The following PAX1 variants were observed in gnomAD, a reference collection of about 807,000 sequenced individuals.
The protein encoded by PAX1 is paired box 1.
A neutral mutation model predicts 35.6 loss-of-function variants in PAX1; 18 were observed. That is an observed-to-expected ratio of 0.50 (90% CI 0.35 to 0.75). The LOEUF is 0.75. Among genes scored for constraint, PAX1 ranks in the 30% least tolerant of loss-of-function variants. PAX1 has a pLI of 0.01. For synonymous variants in PAX1, 397 were observed against 305.2 expected, an observed-to-expected ratio of 1.30 and a Z score of -3.14; for missense variants, 760 against 661.5, an observed-to-expected ratio of 1.15 and a Z score of -1.63.
In PAX1 at chr20:21,708,469, T is replaced by C. The variant is rs1030400452; in HGVS notation, c.917-89T>C. ...ACAAATTTTGTGGGACCCCTGGCCG[T>C]GTCTTCAGATACAAATTGGGTGGTT... On this transcript the variant is annotated intron_variant, in intron 2 of 4. Coordinates refer to ENST00000613128, the MANE Select transcript of PAX1 (RefSeq NM_001257096.2). 3 of 1,497,198 alleles carry C rather than the reference T, an allele frequency of 2.0e-6. No homozygotes were observed. The African/African-American group carries it at 4.1e-5, about 21-fold the overall frequency. 92.7% of individuals were successfully genotyped at this position (1,497,198 alleles called of 1,614,324 possible).
rs1225605988 is a variant in PAX1, at chr20:21,714,583, G to A, written c.*21G>A. The A allele has an allele frequency of 2.5e-6, 4 of 1,578,066 alleles. No homozygotes were observed. In the Admixed American group the frequency reaches 5.5e-5, roughly 22 times the overall value. The stretch of plus-strand genomic sequence containing the variant: ...CCTAGGGGCAGCTCTCCCCGGACCC[G>A]AGCCCGGAGGGAACGGCAGGCGGAC... On this transcript the variant is annotated 3_prime_UTR_variant, in exon 5 of 5. Coordinates refer to ENST00000613128, the MANE Select transcript of PAX1 (RefSeq NM_001257096.2).
chr20:21,715,969 G>A lies in PAX1; in HGVS notation c.*1407G>A. The A allele has an allele frequency of 6.6e-6, 1 of 152,274 alleles. No homozygotes were observed. The highest frequency in any genetic ancestry group is 1.9e-4 in the East Asian group (1 of 5,194). 9.4% of individuals were successfully genotyped at this position (152,274 alleles called of 1,614,324 possible). On this transcript the variant is annotated 3_prime_UTR_variant, in exon 5 of 5. Transcript: ENST00000613128. ...GGTGGCTGCCTCTGAATAAAGGAAA[G>A]CGTCTGAAAGGTGTGTGGTGAGGTG...
Position 21,708,333 on chromosome 20 carries a change from G to T in PAX1, c.917-225G>T, listed in dbSNP as rs373509468. 9.9e-5 allele frequency: 65 copies of T among 654,040 alleles called. No individual in the cohort carries two copies. The East Asian group carries it at 1.2e-3, about 13-fold the overall frequency. The allele number at this position is 654,040 out of a possible 1,614,324, so 40.5% of individuals were successfully genotyped here. On this transcript the variant is annotated intron_variant, in intron 2 of 4. Coordinates refer to ENST00000613128, the MANE Select transcript of PAX1 (RefSeq NM_001257096.2). Reference sequence around the variant, plus strand: ...AGCAGCCTCCCGTTCGTGGGAAACCGGTTGAAGGCTAGGAGGACCGGGCAG... The same window carrying T: ...AGCAGCCTCCCGTTCGTGGGAAACCTGTTGAAGGCTAGGAGGACCGGGCAG...
rs1985416631 is a variant in PAX1 at position 21,717,682 on chromosome 20, T to A, written c.*3120T>A. ...AACGCAGTTTGTCTTTGCCTTTCAT[T>A]TTTTTAATTTAAGAATAAGTTTTTT... On this transcript the variant is annotated 3_prime_UTR_variant, in exon 5 of 5. Transcript: ENST00000613128. 1.3e-5 allele frequency: 2 copies of A among 152,260 alleles called. No homozygotes were observed. The highest frequency in any genetic ancestry group is 4.8e-5 in the African/African-American group (2 of 41,566). The allele number at this position is 152,260 out of a possible 1,614,324, so 9.4% of individuals were successfully genotyped here.
chr20:21,708,201 A>T, intron 2 of PAX1: 1 of 424,088 alleles, frequency 2.4e-6, no homozygotes, highest in Non-Finnish European at 4.4e-6. Context: ...AGAAATCAAT[A>T]CAATTTTCAT....
Position 21,718,354 on chromosome 20 carries a change from A to AG in PAX1, c.*3796dup, listed in dbSNP as rs1985441602. Reference sequence around the variant, plus strand: ...TCACTGAAGGGCATTTGAAGGTGTGAGGGGAAGGCTTCCTCTCCTTTGGAG... The same window carrying AG: ...TCACTGAAGGGCATTTGAAGGTGTGAGGGGGAAGGCTTCCTCTCCTTTGGAG... On this transcript the variant is annotated 3_prime_UTR_variant, in exon 5 of 5. Transcript: ENST00000613128. 6.6e-6 allele frequency: 1 copy of AG among 152,162 alleles called. No individual in the cohort carries two copies. The highest frequency in any genetic ancestry group is 1.9e-4 in the East Asian group (1 of 5,190). 9.4% of individuals were successfully genotyped at this position (152,162 alleles called of 1,614,324 possible).
chr20:21,708,562 C>A lies in PAX1; in HGVS notation c.921C>A (p.Ala307=). Residue 307 remains alanine (A), a synonymous_variant, in exon 3 of 5, where the codon GCC becomes GCA. Coordinates refer to ENST00000613128, the MANE Select transcript of PAX1 (RefSeq NM_001257096.2). ...TCCGTCCTCTCTCTCCTGCAGGGGC[C>A]CTGGCTGGGAGCGAAGGCACCGCTT... ...GIRTFMEQTG[A]LAGSEGTAYS... 6.2e-7 allele frequency: 1 copy of A among 1,613,652 alleles called. No homozygotes were observed. The highest frequency in any genetic ancestry group is 8.5e-7 in the Non-Finnish European group (1 of 1,180,036).
Position 21,717,497 on chromosome 20 carries a change from T to G in PAX1, c.*2935T>G, listed in dbSNP as rs1257046383. The G allele has an allele frequency of 1.3e-5, 2 of 152,186 alleles. No individual in the cohort carries two copies. Among genetic ancestry groups the G allele is most frequent in the Non-Finnish European group, 2.9e-5 (2 of 68,052 alleles). The allele number at this position is 152,186 out of a possible 1,614,324, so 9.4% of individuals were successfully genotyped here. A position where few individuals can be genotyped will look rare whatever the true frequency, so the allele number is the denominator to read the frequency against. ...AAAGTTAGAGGAATCACTTGTAAGG[T>G]TGGTGGGAGACCCAGAATTTAAATA... On this transcript the variant is annotated 3_prime_UTR_variant, in exon 5 of 5. Coordinates refer to ENST00000613128, the MANE Select transcript of PAX1 (RefSeq NM_001257096.2).
Position 21,714,813 on chromosome 20 carries a change from C to T in PAX1, c.*251C>T, listed in dbSNP as rs1985315816. ...TGAACTTGGGTTTTAGACTGCCGTACCCTCCTCACAATCCTTGCTCTGACG... is the reference window on the plus strand; with the variant it reads ...TGAACTTGGGTTTTAGACTGCCGTATCCTCCTCACAATCCTTGCTCTGACG... On this transcript the variant is annotated 3_prime_UTR_variant, in exon 5 of 5. Transcript: ENST00000613128. 6.3e-7 allele frequency: 1 copy of T among 1,596,090 alleles called. No individual in the cohort carries two copies. Among genetic ancestry groups the T allele is most frequent in the Non-Finnish European group, 8.5e-7 (1 of 1,176,432 alleles).
Position 21,706,470 on chromosome 20 carries a change from G to T in PAX1, c.319G>T (p.Gly107Cys). The change falls in exon 2 of 5, where the codon GGT becomes TGT. Residue 107 changes from glycine (G) to cysteine (C), a missense_variant. Gly to Cys is a radical substitution (Grantham distance 159, BLOSUM62 -3). Coordinates refer to ENST00000613128, the MANE Select transcript of PAX1 (RefSeq NM_001257096.2). This position sits in a 1 kb window ranked among gnomAD's most constrained non-coding sequence, Gnocchi z 5.3. Reference protein sequence around the residue: ...QTYGEVNQLGGVFVNGRPLPN... With the variant: ...QTYGEVNQLGCVFVNGRPLPN... ...GTATGGCGAGGTGAACCAGCTGGGC[G>T]GTGTGTTCGTCAACGGCCGCCCCCT... 6.2e-7 allele frequency: 1 copy of T among 1,611,096 alleles called. No individual in the cohort carries two copies. Among genetic ancestry groups the T allele is most frequent in the Non-Finnish European group, 8.5e-7 (1 of 1,178,788 alleles).
In PAX1 at chr20:21,714,999, C is replaced by T. The variant is rs912867900; in HGVS notation, c.*437C>T. ...TCCCTACCTTCCACCCCGGCTTTCC[C>T]CGACCTTCCAGGGCTCCCTCTGCCC... is the stretch of plus-strand genomic sequence containing the variant. On this transcript the variant is annotated 3_prime_UTR_variant, in exon 5 of 5. Transcript: ENST00000613128. The T allele has an allele frequency of 1.1e-5, 7 of 654,372 alleles. No individual in the cohort carries two copies. The highest frequency in any genetic ancestry group is 9.0e-5 in the Admixed American group (4 of 44,594). The allele number at this position is 654,372 out of a possible 1,614,324, so 40.5% of individuals were successfully genotyped here.
At position 21,706,409 on chromosome 20, in the gene PAX1, C is replaced by T. The variant is rs779805924; in HGVS notation, c.287-29C>T. 26 of 1,609,692 alleles carry T rather than the reference C, an allele frequency of 1.6e-5. No homozygotes were observed. The South Asian group carries it at 2.2e-4, about 14-fold the overall frequency. On this transcript the variant is annotated intron_variant, in intron 1 of 4. Transcript: ENST00000613128. The surrounding 1 kb of genome is among the most constrained non-coding windows in gnomAD (Gnocchi z 5.3). ...ACCCGCCGGGTGTTTTCTCCCCCTCCGGCTCACTCTTGTCTGGCGCATCCG... is the reference window on the plus strand; with the variant it reads ...ACCCGCCGGGTGTTTTCTCCCCCTCTGGCTCACTCTTGTCTGGCGCATCCG...
At chr20:21,713,363 C>G (rs1326689477) in intron 4 of PAX1, among the ~76,000 whole-genome samples, 1 of 141,744 alleles carries the variant, frequency 7.1e-6, no homozygotes, top group African/African-American at 2.9e-5. Context: ...TCAACGAAAC[C>G]GTGTGTTTTC....
At chr20:21,713,076 T>C (rs1339437963) in intron 4 of PAX1, among the ~76,000 whole-genome samples, 1 of 152,190 alleles carries the variant, frequency 6.6e-6, no homozygotes, top group Non-Finnish European at 1.5e-5. Context: ...GATTCGCCCC[T>C]GTAGGGTGGG....
intron 4 of PAX1, among the ~76,000 whole-genome samples, chr20:21,711,703 G>A (rs973039804): frequency 7.2e-5 from 11 of 152,174 alleles, no homozygotes; most frequent in Non-Finnish European, 1.0e-4. Context: ...GTTTGTGTTC[G>A]AACAGGAATG....
At position 21,715,027 on chromosome 20, in the gene PAX1, C is replaced by G; in HGVS notation, c.*465C>G. 1 of 622,416 alleles carries G rather than the reference C, an allele frequency of 1.6e-6. No individual in the cohort carries two copies. The highest frequency in any genetic ancestry group is 2.9e-6 in the Non-Finnish European group (1 of 350,084). The allele number at this position is 622,416 out of a possible 1,614,324, so 38.6% of individuals were successfully genotyped here. On this transcript the variant is annotated 3_prime_UTR_variant, in exon 5 of 5. Coordinates refer to ENST00000613128, the MANE Select transcript of PAX1 (RefSeq NM_001257096.2). ...ACCTTCCAGGGCTCCCTCTGCCCTT[C>G]CACTCTCTTTTCCTTGCTCCGACCT... is the stretch of plus-strand genomic sequence containing the variant.
intron 2 of PAX1, 81 bp downstream of exon 2, chr20:21,707,148 C>G (rs1275509934): frequency 2.6e-6 from 4 of 1,540,170 alleles, no homozygotes; most frequent in South Asian, 2.3e-5. Flanking sequence ...GACTCACACT[C>G]GCTCTCCTCC....
chr20:21,709,729 G>T (rs949738127), intron 4 of PAX1, among the ~76,000 whole-genome samples: 6 of 152,116 alleles, frequency 3.9e-5, no homozygotes, highest in African/African-American at 9.7e-5. Context: ...CACAGGACGC[G>T]TGGGTTTGGA....
rs1031790614 is a variant in PAX1, at chr20:21,707,218, G to A, written c.916+151G>A. ...CTGGCCAGGGAGGCTGGGGGTCCTG[G>A]GCCTTTTGTAAGAGACCTCGGACAT... On this transcript the variant is annotated intron_variant, in intron 2 of 4. Transcript: ENST00000613128. The A allele has an allele frequency of 1.6e-4, 139 of 878,296 alleles. 1 individual carries two copies. The highest frequency in any genetic ancestry group is 3.0e-5 in the Non-Finnish European group (17 of 565,598). 54.4% of individuals were successfully genotyped at this position (878,296 alleles called of 1,614,324 possible).
Sources: gnomAD v4.1 joint callset for allele counts (sites outside exome capture counted in the v4.1 genomes callset) on GRCh38, gnomAD v4.1.1 for gene constraint, Gnocchi (gnomAD v3.1) non-coding constraint, MANE v1.5 for transcripts, NCBI Gene and HGNC (gene_info 2026-07-23, HGNC 2026-07-21) for gene names.